The following LDAF1 variants were observed in gnomAD, a reference collection of about 807,000 sequenced individuals.
LDAF1 encodes the protein lipid droplet assembly factor 1, also known as PROMETHIN.
In LDAF1, 7 loss-of-function variants were observed where a neutral mutation model predicts 13.5. That is an observed-to-expected ratio of 0.52 (90% confidence interval 0.29 to 0.97). The LOEUF (loss-of-function observed/expected upper bound fraction) is 0.97, where lower values mean the gene tolerates loss of function less well. Among genes scored for constraint, LDAF1 ranks in the 50% least tolerant of loss-of-function variants. The probability of loss-of-function intolerance (pLI) is 0.07; values close to 1 mark genes in which losing one functional copy is unlikely to be tolerated. For synonymous variants in LDAF1, 69 were observed against 77.1 expected (o/e 0.89, Z 0.55); for missense variants, 148 against 193.2 (o/e 0.77, Z 1.39).
At position 21,174,018 on chromosome 16, in the gene LDAF1, A is replaced by T. The variant is rs148041781; in HGVS notation, c.274A>T (p.Ile92Phe). 6.2e-7 allele frequency: 1 copy of T among 1,612,278 alleles called. No homozygotes were observed. The highest frequency in any genetic ancestry group is 8.5e-7 in the Non-Finnish European group (1 of 1,179,434). ...LGVIILEGLVISVGGFSLLCI... is the reference protein window; with the variant it reads ...LGVIILEGLVFSVGGFSLLCI... ...CCACGTTCTCCTCCTAGGATTGGTC[A>T]TCTCTGTGGGTGGCTTCTCACTGCT... Residue 92 changes from isoleucine to phenylalanine, a missense_variant, in exon 4 of 5, where the codon ATC (isoleucine) becomes TTC (phenylalanine). By Grantham distance (21) the Ile-to-Phe change is conservative. Transcript: ENST00000233047.
rs774714911 is a variant in LDAF1, at chr16:21,166,925, C to T, written c.97-3512C>T. The stretch of plus-strand genomic sequence containing the variant: ...GCTGGCTCCAAGGTGATTCCTGCTA[C>T]AGTCATCTCTGGCTAGAGAAGCGGA... On this transcript the variant is annotated intron_variant, in intron 2 of 4. Transcript: ENST00000233047. 8.5e-6 allele frequency: 13 copies of T among 1,534,806 alleles called. No homozygotes were observed. In the South Asian group the frequency reaches 1.2e-4, roughly 14 times the overall value.
intron 1 of LDAF1, chr16:21,159,845 C>A: frequency 2.1e-6 from 2 of 941,118 alleles, no homozygotes; most frequent in South Asian, 4.9e-5. Flanking sequence ...AGGGGAACTC[C>A]GCTTGTTTCT....
At chr16:21,162,893 C>A (rs1390609178) in intron 2 of LDAF1, among the ~76,000 whole-genome samples, 2 of 152,214 alleles carry the variant, frequency 1.3e-5, no homozygotes, top group African/African-American at 4.8e-5. Context: ...ACCAAACCAT[C>A]GCTCCTAGGG....
intron 4 of LDAF1, among the ~76,000 whole-genome samples, chr16:21,176,179 G>A (rs903578645): frequency 1.3e-5 from 2 of 152,214 alleles, no homozygotes; most frequent in Admixed American, 1.3e-4. Flanking sequence ...ACCACAGGAA[G>A]TAGCAGAATC....
chr16:21,176,693 T>G (rs1420351605), intron 4 of LDAF1, among the ~76,000 whole-genome samples: 4 of 151,698 alleles, frequency 2.6e-5, no homozygotes, highest in Admixed American at 2.6e-4. Context: ...TAACATGACA[T>G]AAAACTATAT....
chr16:21,175,199 T>C (rs2093128035), intron 4 of LDAF1, among the ~76,000 whole-genome samples: 1 of 152,252 alleles, frequency 6.6e-6, no homozygotes. Context: ...CATACTTCAT[T>C]TAAGCTCCTG....
In LDAF1 at chr16:21,179,626, T is replaced by C; in HGVS notation, c.*70T>C. On this transcript the variant is annotated 3_prime_UTR_variant, in exon 5 of 5. Transcript: ENST00000233047. ...ATACTCACCCCTTGGGATTATGGCT[T>C]AGAAGAAGGGGGCTGGGTAGGCAAG... 1 of 1,415,448 alleles carries C rather than the reference T, an allele frequency of 7.1e-7. No individual in the cohort carries two copies. Among genetic ancestry groups the C allele is most frequent in the Non-Finnish European group, 9.8e-7 (1 of 1,019,068 alleles). 87.7% of individuals were successfully genotyped at this position (1,415,448 alleles called of 1,614,324 possible).
chr16:21,161,728 A>C (rs1446137427), intron 2 of LDAF1, among the ~76,000 whole-genome samples: 1 of 152,204 alleles, frequency 6.6e-6, no homozygotes, highest in Admixed American at 6.5e-5. Flanking sequence ...CCTGAAAATG[A>C]GAGACAAAAG....
intron 2 of LDAF1, among the ~76,000 whole-genome samples, chr16:21,165,178 T>A (rs2093011813): frequency 6.6e-6 from 1 of 152,168 alleles, no homozygotes; most frequent in Non-Finnish European, 1.5e-5. Context: ...AGACTAAGAA[T>A]GGCGGGGCAT....
intron 2 of LDAF1, among the ~76,000 whole-genome samples, chr16:21,163,181 C>T (rs1182747235): frequency 6.6e-6 from 1 of 152,150 alleles, no homozygotes; most frequent in Non-Finnish European, 1.5e-5. Context: ...CCATTTTCAA[C>T]AGTAAAATCA....
At chr16:21,170,790 G>T (rs535240913) in intron 3 of LDAF1, among the ~76,000 whole-genome samples, 185 bp downstream of exon 3, 9 of 152,182 alleles carry the variant, frequency 5.9e-5, no homozygotes, top group South Asian at 2.1e-4. Flanking sequence ...ATGGCCATGG[G>T]CTACCATGCC....
chr16:21,171,878 C>T (rs926893695), intron 3 of LDAF1, among the ~76,000 whole-genome samples: 14 of 152,032 alleles, frequency 9.2e-5, no homozygotes, highest in Non-Finnish European at 1.9e-4. Flanking sequence ...GTTGGGATTA[C>T]AGGCATGCCC....
In LDAF1 at chr16:21,159,564, A is replaced by G. The variant is rs137971954; in HGVS notation, c.-99+818A>G. The G allele has an allele frequency of 1.2e-3, 1,151 of 958,790 alleles. 13 individuals are homozygous for G. In the African/African-American group the frequency reaches 0.013, roughly 11 times the overall value. 59.4% of individuals were successfully genotyped at this position (958,790 alleles called of 1,614,324 possible). ...TGGAGCCTTGGAAGGGGAAAGGGTT[A>G]GCTGGTGTTGGCCTGGCCCAGTCCC... On this transcript the variant is annotated intron_variant, in intron 1 of 4. Coordinates refer to ENST00000233047, the MANE Select transcript of LDAF1 (RefSeq NM_001301771.2).
chr16:21,168,248 C>G (rs958761253), intron 2 of LDAF1, among the ~76,000 whole-genome samples: 1 of 151,396 alleles, frequency 6.6e-6, no homozygotes, highest in African/African-American at 2.4e-5. Flanking sequence ...CTCCTGACCT[C>G]AGGTGACCCG....
In LDAF1 at chr16:21,161,292, C is replaced by T. The variant is rs752277327; in HGVS notation, c.96+14C>T. On this transcript the variant is annotated intron_variant, in intron 2 of 4. Transcript: ENST00000233047. ...AATAACTCAAAGGTCAGTTTCCAAT[C>T]ACTATGTATAATGGAAAATCCCAAT... 6 of 1,612,846 alleles carry T rather than the reference C, an allele frequency of 3.7e-6. No individual in the cohort carries two copies. The highest frequency in any genetic ancestry group is 5.1e-6 in the Non-Finnish European group (6 of 1,179,762).
Position 21,170,582 on chromosome 16 carries a change from T to C in LDAF1, c.242T>C (p.Leu81Pro), listed in dbSNP as rs772410724. 1.2e-6 allele frequency: 2 copies of C among 1,614,206 alleles called. No homozygotes were observed. The highest frequency in any genetic ancestry group is 4.5e-5 in the East Asian group (2 of 44,886). ...GTGGTGCTTACCACCCTGGCTGCTC[T>C]GCTGGGGGTCATAATATTGGAAGGT... ...LIVVLTTLAA[L>P]LGVIILEGLV... Residue 81 changes from leucine to proline, a missense_variant, in exon 3 of 5, where the codon CTG (leucine) becomes CCG (proline). By Grantham distance (98) the Leu-to-Pro change is moderately conservative. Coordinates refer to ENST00000233047, the MANE Select transcript of LDAF1 (RefSeq NM_001301771.2).
rs754889874 is a variant in LDAF1, at chr16:21,170,544, C to A, written c.204C>A (p.Phe68Leu). ...FIVMSAVPVG[F>L]FLLIVVLTTL... ...TCATGTCGGCCGTTCCTGTTGGATTCTTCCTGCTCATCGTGGTGCTTACCA... is the reference window on the plus strand; with the variant it reads ...TCATGTCGGCCGTTCCTGTTGGATTATTCCTGCTCATCGTGGTGCTTACCA... The change falls in exon 3 of 5, where the codon TTC (phenylalanine) becomes TTA (leucine). Residue 68 changes from phenylalanine to leucine, a missense_variant. By Grantham distance (22) the Phe-to-Leu change is conservative. Transcript: ENST00000233047. 1 of 1,614,194 alleles carries A rather than the reference C, an allele frequency of 6.2e-7. No individual in the cohort carries two copies. Among genetic ancestry groups the A allele is most frequent in the Admixed American group, 1.7e-5 (1 of 60,016 alleles).
intron 3 of LDAF1, among the ~76,000 whole-genome samples, chr16:21,172,201 A>G (rs373997897): frequency 4.6e-5 from 7 of 151,188 alleles, no homozygotes; most frequent in African/African-American, 1.5e-4. Context: ...TAATCCCAAC[A>G]CTGGGAGGCT....
intron 2 of LDAF1, among the ~76,000 whole-genome samples, chr16:21,166,590 G>A (rs902323872): frequency 1.3e-5 from 2 of 152,166 alleles, no homozygotes; most frequent in Non-Finnish European, 2.9e-5. Context: ...AGTTCCTTCC[G>A]CTGCACAGCC....
Sources: allele counts gnomAD v4.1 joint callset (sites outside exome capture counted in the v4.1 genomes callset), GRCh38; gene constraint gnomAD v4.1.1; transcripts MANE v1.5; gene names NCBI Gene and HGNC (gene_info 2026-07-23, HGNC 2026-07-21).